Variants in RBPJ observed in about 807,000 individuals in gnomAD.
RBPJ encodes recombining binding protein suppressor of hairless.
RBPJ carries 9 observed loss-of-function variants against 67.8 expected under a neutral mutation model. The observed-to-expected ratio is 0.13, with a 90% CI of 0.08 to 0.23. The LOEUF (loss-of-function observed/expected upper bound fraction) is 0.23. RBPJ is among the 10% of genes least tolerant of loss of function. RBPJ has a pLI of 1.00. For missense variants in RBPJ, 305 were observed against 595.6 expected (o/e 0.51, Z 5.08); for synonymous variants, 198 against 203.3 (o/e 0.97, Z 0.22).
intron 1 of RBPJ, among the ~76,000 whole-genome samples, chr4:26,223,172 G>T (rs1475267092): frequency 7.0e-6 from 1 of 142,064 alleles, no homozygotes. Flanking sequence ...AAAAAAAAAA[G>T]AATTATACTT....
chr4:26,420,023 A>G (rs1333206002), intron 4 of RBPJ, among the ~76,000 whole-genome samples: 1 of 152,146 alleles, frequency 6.6e-6, no homozygotes, highest in Non-Finnish European at 1.5e-5. Flanking sequence ...ATAATCATCC[A>G]GTTTGTCTAT....
chr4:26,386,955 G>A (rs964029549), intron 2 of RBPJ, among the ~76,000 whole-genome samples: 2 of 151,836 alleles, frequency 1.3e-5, no homozygotes, highest in African/African-American at 2.4e-5. Flanking sequence ...CAAACCTTGC[G>A]TTTTTAGCAG....
chr4:26,252,224 C>T (rs1342999062), intron 1 of RBPJ, among the ~76,000 whole-genome samples: 3 of 151,936 alleles, frequency 2.0e-5, no homozygotes, highest in Non-Finnish European at 4.4e-5. Flanking sequence ...TCATCATCCA[C>T]CGCCCTCCCA....
At chr4:26,151,203 C>T in the RBPJ span, among the ~76,000 whole-genome samples, 2 of 152,236 alleles carry the variant, frequency 1.3e-5, no homozygotes, top group East Asian at 3.9e-4. Flanking sequence ...GGGTTTTTTC[C>T]AGGAGGCTGT....
chr4:26,306,639 C>T (rs1052350807), intron 1 of RBPJ, among the ~76,000 whole-genome samples: 15 of 151,498 alleles, frequency 9.9e-5, no homozygotes, highest in Admixed American at 7.9e-4. Flanking sequence ...TTAGTAGAGG[C>T]GGGGTTTCAT....
chr4:26,128,582 G>C, the RBPJ span, among the ~76,000 whole-genome samples: 1 of 152,142 alleles, frequency 6.6e-6, no homozygotes, highest in African/African-American at 2.4e-5. Context: ...AAATGGATTT[G>C]AGCTCAATCC....
chr4:26,145,238 G>A, the RBPJ span, among the ~76,000 whole-genome samples: 2 of 152,128 alleles, frequency 1.3e-5, no homozygotes, highest in South Asian at 4.1e-4. Context: ...TGAGAAAAAT[G>A]TTGAACTTTT....
chr4:26,179,177 C>A (rs1716896653), intron 1 of RBPJ, among the ~76,000 whole-genome samples: 1 of 151,876 alleles, frequency 6.6e-6, no homozygotes, highest in Non-Finnish European at 1.5e-5. Context: ...ACTCCTTTTT[C>A]CTTTACTCTC....
chr4:26,429,881 ACTT>A lies in RBPJ; in HGVS notation c.889-13_889-11del, dbSNP rs767308078. The A allele has an allele frequency of 4.4e-6, 7 of 1,609,124 alleles. No homozygotes were observed. The highest frequency in any genetic ancestry group is 5.9e-6 in the Non-Finnish European group (7 of 1,177,638). ...AAACTGTATAAAACTTAGTTTCTAA[ACTT>A]CTTTCTTTATTAGGCCACTCCATGT... On this transcript the variant is annotated splice_polypyrimidine_tract_variant and intron_variant, in intron 8 of 10. Coordinates refer to ENST00000355476, the MANE Select transcript of RBPJ (RefSeq NM_015874.6).
At chr4:26,109,370 T>C in the RBPJ span, among the ~76,000 whole-genome samples, 1 of 146,444 alleles carries the variant, frequency 6.8e-6, no homozygotes, top group African/African-American at 2.5e-5. Flanking sequence ...CTGCCCAAAG[T>C]GCTGGGATTA....
At chr4:26,155,386 G>T in the RBPJ span, among the ~76,000 whole-genome samples, 1 of 151,740 alleles carries the variant, frequency 6.6e-6, no homozygotes, top group Non-Finnish European at 1.5e-5. Context: ...ATGCCCTCTG[G>T]GTCACTGAGC....
intron 1 of RBPJ, chr4:26,362,596 A>G: frequency 1.9e-6 from 3 of 1,614,012 alleles, no homozygotes; most frequent in South Asian, 1.1e-5. Flanking sequence ...TTACCTTAAC[A>G]TGTTCTTGAA....
intron 1 of RBPJ, among the ~76,000 whole-genome samples, chr4:26,182,508 G>C (rs1454646069): frequency 1.5e-5 from 1 of 68,294 alleles, no homozygotes; most frequent in Non-Finnish European, 2.9e-5. Context: ...TTTTTTTTTT[G>C]CCTGAGACAG....
the RBPJ span, among the ~76,000 whole-genome samples, chr4:26,137,586 G>C: frequency 5.9e-5 from 9 of 152,170 alleles, no homozygotes; most frequent in Non-Finnish European, 1.2e-4. Context: ...GTACCTCTCC[G>C]AGCCTCTTCG....
upstream of RBPJ, chr4:26,319,936 C>G: frequency 6.5e-7 from 1 of 1,533,132 alleles, no homozygotes; most frequent in Non-Finnish European, 8.9e-7. Flanking sequence ...CTGTTCCATG[C>G]CCGGTGGGGC....
chr4:26,308,544 A>G (rs1215661385), intron 1 of RBPJ, among the ~76,000 whole-genome samples: 1 of 152,266 alleles, frequency 6.6e-6, no homozygotes, highest in South Asian at 2.1e-4. Context: ...TACAGCAGCA[A>G]CTATTGAAAG....
chr4:26,358,518 TAA>T (rs1727652071), intron 1 of RBPJ, among the ~76,000 whole-genome samples: 1 of 145,538 alleles, frequency 6.9e-6, no homozygotes, highest in African/African-American at 2.6e-5. Context: ...CTCATGCCTA[TAA>T]GCCCAGCAGT....
chr4:26,262,882 A>G (rs935495813), intron 1 of RBPJ, among the ~76,000 whole-genome samples: 3 of 152,076 alleles, frequency 2.0e-5, no homozygotes, highest in African/African-American at 7.2e-5. Flanking sequence ...CAGCCCTATA[A>G]TCAATCCATC....
chr4:26,255,761 C>T (rs10021701), intron 1 of RBPJ, among the ~76,000 whole-genome samples: 90 of 148,180 alleles, frequency 6.1e-4, no homozygotes, highest in African/African-American at 2.2e-3. Context: ...GAGATCGTGC[C>T]ACTGCACTCC....
Sources: gnomAD v4.1 joint callset for allele counts (sites outside exome capture counted in the v4.1 genomes callset) on GRCh38, gnomAD v4.1.1 for gene constraint, MANE v1.5 for transcripts, NCBI Gene and HGNC (gene_info 2026-07-23, HGNC 2026-07-21) for gene names.